APH1A: variants seen among roughly 807,000 people sequenced by gnomAD.
APH1A encodes the protein gamma-secretase subunit APH-1A.
Under a neutral mutation model 30.3 loss-of-function variants are expected in APH1A, and 16 were observed. The ratio of observed to expected loss-of-function variants is 0.53; its 90% CI spans 0.36 to 0.80. APH1A has a LOEUF of 0.80. Among genes scored for constraint, APH1A ranks in the 30% least tolerant of loss-of-function variants. APH1A has a pLI of 0.01. For synonymous variants in APH1A, 144 were observed against 140.1 expected (o/e 1.03, Z -0.20); for missense variants, 245 against 337.8 (o/e 0.73, Z 2.15).
chr1:150,268,964 A>G lies in APH1A; in HGVS notation c.-154T>C, dbSNP rs200721652. The G allele has an allele frequency of 8.1e-6, 5 of 620,060 alleles. No individual in the cohort carries two copies. Among genetic ancestry groups the G allele is most frequent in the Non-Finnish European group, 1.1e-5 (4 of 354,024 alleles). The allele number at this position is 620,060 out of a possible 1,614,324, so 38.4% of individuals were successfully genotyped here. On this transcript the variant is annotated 5_prime_UTR_variant, in exon 1 of 7. Coordinates refer to ENST00000369109, the MANE Select transcript of APH1A (RefSeq NM_001077628.3). The stretch of plus-strand genomic sequence containing the variant: ...GACCCCGGGGAAGGGGAAGGGGGGG[A>G]ACCGAAACCCCAAATGAAGGTCCGC...
chr1:150,266,119 C>A lies in APH1A; in HGVS notation c.*11G>T, dbSNP rs782714941. The A allele has an allele frequency of 1.1e-5, 18 of 1,588,242 alleles. No individual in the cohort carries two copies. The East Asian group carries it at 3.7e-4, about 32-fold the overall frequency. ...GGGCACCCCAGGCCCAGGGGTCCCC[C>A]CTAGGTTCCCTCAGTCCTCGGGTGG... On this transcript the variant is annotated 3_prime_UTR_variant, in exon 7 of 7. Coordinates refer to ENST00000369109, the MANE Select transcript of APH1A (RefSeq NM_001077628.3).
intron 1 of APH1A, 120 bp from the exon 2 acceptor site, chr1:150,268,247 C>A: frequency 2.5e-6 from 3 of 1,180,736 alleles, no homozygotes; most frequent in Non-Finnish European, 3.5e-6. Context: ...GTTAGGGAGA[C>A]ATGGACCAGG....
intron 5 of APH1A, 176 bp from the exon 6 acceptor site, chr1:150,266,832 C>CA: frequency 1.9e-6 from 2 of 1,040,474 alleles, no homozygotes; most frequent in Non-Finnish European, 2.7e-6. Context: ...CTCAGAAACT[C>CA]AAAGGTTTCT....
chr1:150,266,261 T>C (rs1486065700), intron 6 of APH1A, 67 bp from the exon 7 acceptor site: 3 of 1,549,596 alleles, frequency 1.9e-6, no homozygotes, highest in African/African-American at 1.4e-5. Context: ...GGGGGAGTCC[T>C]GGACACAACA....
chr1:150,266,115 C>A lies in APH1A; in HGVS notation c.*15G>T, dbSNP rs200240863. On this transcript the variant is annotated 3_prime_UTR_variant, in exon 7 of 7. Transcript: ENST00000369109. ...AGGAGGGCACCCCAGGCCCAGGGGTCCCCCCTAGGTTCCCTCAGTCCTCGG... is the reference window on the plus strand; with the variant it reads ...AGGAGGGCACCCCAGGCCCAGGGGTACCCCCTAGGTTCCCTCAGTCCTCGG... 6 of 1,583,928 alleles carry A rather than the reference C, an allele frequency of 3.8e-6. No homozygotes were observed. Among genetic ancestry groups the A allele is most frequent in the East Asian group, 2.3e-5 (1 of 43,350 alleles).
Position 150,268,885 on chromosome 1 carries a change from C to A in APH1A, c.-75G>T, listed in dbSNP as rs1651997848. 1.5e-6 allele frequency: 2 copies of A among 1,374,034 alleles called. No homozygotes were observed. Among genetic ancestry groups the A allele is most frequent in the Non-Finnish European group, 1.0e-6 (1 of 992,188 alleles). The allele number at this position is 1,374,034 out of a possible 1,614,324, so 85.1% of individuals were successfully genotyped here. ...GGGAGGGGCGCGCCAGCTGGGGAGT[C>A]CGCGTGGGGTGGCAACGCGACCCCA... On this transcript the variant is annotated 5_prime_UTR_variant, in exon 1 of 7. Transcript: ENST00000369109.
Position 150,266,270 on chromosome 1 carries a change from C to A in APH1A, c.734-76G>T. 7 of 1,534,878 alleles carry A rather than the reference C, an allele frequency of 4.6e-6. No individual in the cohort carries two copies. The South Asian group carries it at 8.5e-5, about 19-fold the overall frequency. On this transcript the variant is annotated intron_variant, in intron 6 of 6. Coordinates refer to ENST00000369109, the MANE Select transcript of APH1A (RefSeq NM_001077628.3). ...GACACAGGGGGAGTCCTGGACACAA[C>A]AAGGGGGTCCCCAGGTGGTGGGGAT...
chr1:150,268,433 CA>C (rs1553850411), intron 1 of APH1A: 1 of 586,384 alleles, frequency 1.7e-6, no homozygotes, highest in Non-Finnish European at 3.0e-6. Context: ...CTGCCTAGGT[CA>C]GCACAGCCCC....
At chr1:150,267,647 A>G (rs1361264374) in intron 3 of APH1A, 69 bp downstream of exon 3, 1 of 1,577,242 alleles carries the variant, frequency 6.3e-7, no homozygotes, top group African/African-American at 1.3e-5. Flanking sequence ...GAACATGTGG[A>G]TATTTAGAGA....
rs587608274 is a variant in APH1A at position 150,268,956 on chromosome 1, AG to A, written c.-147del. On this transcript the variant is annotated 5_prime_UTR_variant, in exon 1 of 7. Coordinates refer to ENST00000369109, the MANE Select transcript of APH1A (RefSeq NM_001077628.3). ...CACCCCCAGACCCCGGGGAAGGGGAAGGGGGGGAACCGAAACCCCAAATGAA... is the reference window on the plus strand; with the variant it reads ...CACCCCCAGACCCCGGGGAAGGGGAAGGGGGGAACCGAAACCCCAAATGAA... 443 of 653,108 alleles carry A rather than the reference AG, an allele frequency of 6.8e-4. 4 individuals carry two copies. Among genetic ancestry groups the A allele is most frequent in the South Asian group, 4.1e-3 (213 of 52,530 alleles). 40.5% of individuals were successfully genotyped at this position (653,108 alleles called of 1,614,324 possible). A position where few individuals can be genotyped will look rare whatever the true frequency, so the allele number is the denominator to read the frequency against.
At chr1:150,268,372 G>C (rs1572089766) in intron 1 of APH1A, 4 of 607,900 alleles carry the variant, frequency 6.6e-6, no homozygotes, top group African/African-American at 1.9e-5. Context: ...TGCGAGCACG[G>C]AAGGGCGAGG....
Position 150,266,558 on chromosome 1 carries a change from G to A in APH1A, c.708C>T (p.Leu236=), listed in dbSNP as rs782400571. 1.2e-6 allele frequency: 2 copies of A among 1,614,158 alleles called. No individual in the cohort carries two copies. Among genetic ancestry groups the A allele is most frequent in the Non-Finnish European group, 1.7e-6 (2 of 1,180,038 alleles). ...LWAFITAGGS[L]RSIQRSLLCR... Reference sequence around the variant, plus strand: ...ACAAGAGGCTGCGCTGAATACTTCGGAGGGACCCTCCAGCTGTGATGAAGG... The same window carrying A: ...ACAAGAGGCTGCGCTGAATACTTCGAAGGGACCCTCCAGCTGTGATGAAGG... The change falls in exon 6 of 7, where the codon CTC becomes CTT. Residue 236 remains leucine, a synonymous_variant. Transcript: ENST00000369109.
In APH1A at chr1:150,266,063, G is replaced by T; in HGVS notation, c.*67C>A. On this transcript the variant is annotated 3_prime_UTR_variant, in exon 7 of 7. Transcript: ENST00000369109. ...GCAACCTGCACTGTCCAGAACTGGA[G>T]ATGGAGAAATACAGGGCGAGGACAT... The T allele has an allele frequency of 6.5e-7, 1 of 1,533,856 alleles. No individual in the cohort carries two copies. Among genetic ancestry groups the T allele is most frequent in the Non-Finnish European group, 8.8e-7 (1 of 1,134,990 alleles).
chr1:150,266,536 A>C lies in APH1A; in HGVS notation c.730T>G (p.Leu244Val). The C allele has an allele frequency of 6.2e-7, 1 of 1,614,146 alleles. No individual in the cohort carries two copies. The highest frequency in any genetic ancestry group is 8.5e-7 in the Non-Finnish European group (1 of 1,180,024). ...AGTCCAGGTAGTCAGTCCTTACACA[A>C]GAGGCTGCGCTGAATACTTCGGAGG... The part of the protein sequence containing the change: ...GSLRSIQRSL[L>V]CRRQEDSRVM... Residue 244 changes from leucine to valine, a missense_variant, in exon 6 of 7, where the codon TTG becomes GTG. Leu to Val is a conservative substitution (Grantham distance 32). Coordinates refer to ENST00000369109, the MANE Select transcript of APH1A (RefSeq NM_001077628.3).
intron 1 of APH1A, 65 bp from the exon 2 acceptor site, chr1:150,268,192 A>G: frequency 1.3e-6 from 2 of 1,560,068 alleles, no homozygotes; most frequent in Non-Finnish European, 1.7e-6. Context: ...CAAGGAGGGA[A>G]ACCAGCCAAA....
At chr1:150,267,666 G>C in intron 3 of APH1A, 50 bp downstream of exon 3, 1 of 1,590,604 alleles carries the variant, frequency 6.3e-7, no homozygotes, top group South Asian at 1.1e-5. Context: ...GACTTCCCTA[G>C]AGGAGGGGGC....
At chr1:150,268,351 C>T in intron 1 of APH1A, 1 of 631,914 alleles carries the variant, frequency 1.6e-6, no homozygotes, top group South Asian at 2.0e-5. Context: ...AGAGCGATGA[C>T]AGCCAGAGTG....
In APH1A at chr1:150,267,339, T is replaced by C. The variant is rs782742641; in HGVS notation, c.481+17A>G. 3 of 1,613,980 alleles carry C rather than the reference T, an allele frequency of 1.9e-6. No homozygotes were observed. Among genetic ancestry groups the C allele is most frequent in the Non-Finnish European group, 2.5e-6 (3 of 1,179,966 alleles). ...GGATGGATGGGGGGTAAAGGCTAGA[T>C]AGAAGGTGGATCTTACCTGAAGTCA... On this transcript the variant is annotated intron_variant, in intron 4 of 6. Coordinates refer to ENST00000369109, the MANE Select transcript of APH1A (RefSeq NM_001077628.3).
At chr1:150,267,262 G>T in intron 4 of APH1A, 60 bp from the exon 5 acceptor site, 3 of 1,612,990 alleles carry the variant, frequency 1.9e-6, no homozygotes, top group South Asian at 2.2e-5. Flanking sequence ...CTCCTGAGAT[G>T]TTGAGCCAAA....
Sources: allele counts gnomAD v4.1 joint callset, GRCh38; gene constraint gnomAD v4.1.1; transcripts MANE v1.5; gene names NCBI Gene and HGNC (gene_info 2026-07-23, HGNC 2026-07-21).